Variants in ABI3BP observed in about 807,000 individuals in gnomAD.
ABI3BP encodes target of Nesh-SH3.
In ABI3BP, 216 loss-of-function variants were observed where a neutral mutation model predicts 268.6. The ratio of observed to expected loss-of-function variants is 0.80; its 90% CI spans 0.72 to 0.90. The LOEUF (loss-of-function observed/expected upper bound fraction) is 0.90. ABI3BP is among the 40% of genes least tolerant of loss of function. The pLI, the probability that ABI3BP is intolerant of heterozygous loss-of-function variation, is 0.00. For missense variants in ABI3BP, 2,090 were observed against 2,182.4 expected (o/e 0.96, Z 0.84); for synonymous variants, 730 against 730.0 (o/e 1.00, Z 0.00).
chr3:100,770,994 T>C, intron 61 of ABI3BP, 42 bp from the exon 62 acceptor site: 1 of 1,428,622 alleles, frequency 7.0e-7, no homozygotes, highest in Non-Finnish European at 9.4e-7. Context: ...TTTTTGAAAC[T>C]CATGAAGAAG....
chr3:100,965,804 T>C (rs2081076157), intron 1 of ABI3BP, among the ~76,000 whole-genome samples: 1 of 152,118 alleles, frequency 6.6e-6, no homozygotes, highest in African/African-American at 2.4e-5. Context: ...TTTGCCAAAA[T>C]GCCACAGCTG....
intron 1 of ABI3BP, among the ~76,000 whole-genome samples, chr3:100,982,363 CA>C (rs986672209): frequency 7.2e-5 from 11 of 151,942 alleles, no homozygotes; most frequent in African/African-American, 2.4e-4. Flanking sequence ...AAGTTACTAT[CA>C]AAAAAATCCA....
At chr3:100,769,609 A>G (rs950068343) in intron 62 of ABI3BP, among the ~76,000 whole-genome samples, 1 of 152,232 alleles carries the variant, frequency 6.6e-6, no homozygotes, top group Non-Finnish European at 1.5e-5. Flanking sequence ...TAAGCCTCAG[A>G]TGATCACAGG....
At chr3:100,852,392 T>C (rs1403712848) in intron 14 of ABI3BP, among the ~76,000 whole-genome samples, 3 of 152,232 alleles carry the variant, frequency 2.0e-5, no homozygotes, top group African/African-American at 4.8e-5. Context: ...CAATATCTTA[T>C]GTATGGACAG....
At chr3:100,960,246 A>G (rs2078545036) in intron 1 of ABI3BP, among the ~76,000 whole-genome samples, 1 of 152,220 alleles carries the variant, frequency 6.6e-6, no homozygotes, top group South Asian at 2.1e-4. Context: ...GACTTTTTTA[A>G]AGTAGGGCAT....
chr3:100,822,797 CA>C, intron 37 of ABI3BP, 125 bp from the exon 38 acceptor site: 1 of 707,268 alleles, frequency 1.4e-6, no homozygotes, highest in Non-Finnish European at 2.4e-6. Context: ...AGATTTTTGT[CA>C]CATGCATTCC....
chr3:100,837,738 G>C (rs904241762), intron 26 of ABI3BP, among the ~76,000 whole-genome samples: 8 of 152,112 alleles, frequency 5.3e-5, no homozygotes, highest in African/African-American at 1.7e-4. Context: ...CTGCGTGACA[G>C]AGCAAGACTC....
intron 57 of ABI3BP, among the ~76,000 whole-genome samples, chr3:100,784,322 A>G (rs535861784): frequency 2.1e-4 from 32 of 152,254 alleles, no homozygotes; most frequent in African/African-American, 7.0e-4. Flanking sequence ...TAAAACCACA[A>G]TGAGATACCA....
Position 100,824,886 on chromosome 3 carries a change from C to T in ABI3BP, c.2718G>A (p.Pro906=), listed in dbSNP as rs193296442. The T allele has an allele frequency of 8.5e-5, 131 of 1,535,882 alleles. No individual in the cohort carries two copies. The East Asian group carries it at 2.1e-3, about 25-fold the overall frequency. Residue 906 remains proline (P), a synonymous_variant, in exon 36 of 68, where the codon CCG becomes CCA. Coordinates refer to ENST00000471714, the MANE Select transcript of ABI3BP (RefSeq NM_001375547.2). The part of the protein sequence containing the change: ...RPPRPRPKTT[P]SPQAPETKPV... ...GTTTGGTCTCAGGTGCCTGAGGGCT[C>T]GGTGTAGTTTTAGGTCTGGGACGTG...
At chr3:100,851,690 G>C (rs2098840952) in intron 15 of ABI3BP, among the ~76,000 whole-genome samples, 185 bp downstream of exon 15, 1 of 152,176 alleles carries the variant, frequency 6.6e-6, no homozygotes, top group African/African-American at 2.4e-5. Context: ...TATTTACTGA[G>C]AGATGTAAAG....
intron 2 of ABI3BP, among the ~76,000 whole-genome samples, chr3:100,922,470 G>C (rs1328947788): frequency 6.6e-6 from 1 of 152,162 alleles, no homozygotes; most frequent in Non-Finnish European, 1.5e-5. Context: ...CAATCACAAG[G>C]GCCCTTAAAA....
At chr3:100,871,429 G>T (rs1204467823) in intron 9 of ABI3BP, among the ~76,000 whole-genome samples, 1 of 152,204 alleles carries the variant, frequency 6.6e-6, no homozygotes. Flanking sequence ...AGTCTCTTCA[G>T]TGTGTGATAT....
chr3:100,906,209 A>G (rs1234506120), intron 2 of ABI3BP, among the ~76,000 whole-genome samples: 1 of 152,224 alleles, frequency 6.6e-6, no homozygotes, highest in East Asian at 1.9e-4. Flanking sequence ...AAAATAACAT[A>G]TACAGAAGCC....
intron 1 of ABI3BP, among the ~76,000 whole-genome samples, chr3:100,933,706 G>GA (rs1012099616): frequency 1.3e-5 from 2 of 149,474 alleles, no homozygotes; most frequent in African/African-American, 2.5e-5. Flanking sequence ...TAAAAAGAAA[G>GA]AAAAAACATG....
intron 1 of ABI3BP, among the ~76,000 whole-genome samples, chr3:100,966,351 G>GCTAT (rs1414368472): frequency 6.6e-6 from 1 of 152,220 alleles, no homozygotes; most frequent in Non-Finnish European, 1.5e-5. Context: ...GTGAGGCAAT[G>GCTAT]CTATCTCTGA....
Position 100,750,073 on chromosome 3 carries a change from AC to A in ABI3BP, c.*421del, listed in dbSNP as rs761566780. The A allele has an allele frequency of 1.6e-5, 4 of 249,444 alleles. No individual in the cohort carries two copies. The highest frequency in any genetic ancestry group is 2.2e-5 in the African/African-American group (1 of 45,540). 15.5% of individuals were successfully genotyped at this position (249,444 alleles called of 1,614,324 possible). A position where few individuals can be genotyped will look rare whatever the true frequency, so the allele number is the denominator to read the frequency against. Reference sequence around the variant, plus strand: ...AAGATAATTTGATCCAATAAGTTAAACTAAGTAGAGATTTATGGAATTAACT... The same window carrying A: ...AAGATAATTTGATCCAATAAGTTAAATAAGTAGAGATTTATGGAATTAACT... On this transcript the variant is annotated 3_prime_UTR_variant, in exon 68 of 68. Coordinates refer to ENST00000471714, the MANE Select transcript of ABI3BP (RefSeq NM_001375547.2).
chr3:100,818,530 GT>G lies in ABI3BP; in HGVS notation c.3082del (p.Thr1028ProfsTer22). The G allele has an allele frequency of 6.5e-7, 1 of 1,534,956 alleles. No homozygotes were observed. The highest frequency in any genetic ancestry group is 8.7e-7 in the Non-Finnish European group (1 of 1,145,956). ...PGTLRTEAPK[T>X]MVVTTVLEPD... ...AGGACACACATTCTCATTACCCATG[GT>G]TTTTGGAGCTTCAGTTCTGAGAGTA... On this transcript the variant is annotated frameshift_variant, in exon 41 of 68. Coordinates refer to ENST00000471714, the MANE Select transcript of ABI3BP (RefSeq NM_001375547.2). LOFTEE classifies it high-confidence loss of function.
intron 1 of ABI3BP, among the ~76,000 whole-genome samples, chr3:100,969,725 A>G (rs2082757177): frequency 6.6e-6 from 1 of 152,218 alleles, no homozygotes; most frequent in South Asian, 2.1e-4. Flanking sequence ...TTTTGCTGGA[A>G]TAGAGTCAGG....
In ABI3BP at chr3:100,770,175, C is replaced by T. The variant is rs151197938; in HGVS notation, c.4741+568G>A. On this transcript the variant is annotated intron_variant, in intron 62 of 67. Coordinates refer to ENST00000471714, the MANE Select transcript of ABI3BP (RefSeq NM_001375547.2). Reference sequence around the variant, plus strand: ...CCTCCTCTCGTTTGACTATCCTCTTCGTTATGGAGAATCAGACTGTTGTAT... The same window carrying T: ...CCTCCTCTCGTTTGACTATCCTCTTTGTTATGGAGAATCAGACTGTTGTAT... 4.4e-3 allele frequency among the ~76,000 whole-genome samples: 668 copies of T among 152,244 alleles called. 4 individuals are homozygous for T. Among genetic ancestry groups the T allele is most frequent in the African/African-American group, 0.015 (620 of 41,554 alleles).
Sources: allele counts gnomAD v4.1 joint callset (sites outside exome capture counted in the v4.1 genomes callset), GRCh38; gene constraint gnomAD v4.1.1; transcripts MANE v1.5; gene names NCBI Gene and HGNC (gene_info 2026-07-23, HGNC 2026-07-21).